The following CTNND2 variants were observed in gnomAD, a reference collection of about 807,000 sequenced individuals.
CTNND2 encodes catenin delta-2.
In CTNND2, 22 loss-of-function variants were observed where a neutral mutation model predicts 144.4. The observed-to-expected ratio is 0.15, with a 90% CI of 0.11 to 0.22. The LOEUF (loss-of-function observed/expected upper bound fraction) is 0.22, where lower values mean the gene tolerates loss of function less well. CTNND2 is among the 10% of genes least tolerant of loss of function. The pLI is 1.00. For synonymous variants in CTNND2, 751 were observed against 695.6 expected, an observed-to-expected ratio of 1.08 and a Z score of -1.25; for missense variants, 1,353 against 1,618.8, an observed-to-expected ratio of 0.84 and a Z score of 2.82.
intron 9 of CTNND2, among the ~76,000 whole-genome samples, chr5:11,300,031 A>G (rs1749421982): frequency 6.6e-6 from 1 of 152,154 alleles, no homozygotes; most frequent in Non-Finnish European, 1.5e-5. Flanking sequence ...GGGCTATTGT[A>G]TTCATTTATA....
intron 3 of CTNND2, among the ~76,000 whole-genome samples, chr5:11,540,068 TA>T (rs1774589146): frequency 6.6e-6 from 1 of 151,906 alleles, no homozygotes; most frequent in Non-Finnish European, 1.5e-5. Context: ...AATAAACGTA[TA>T]AATACATTAA....
At chr5:11,678,806 T>C (rs1281937341) in intron 2 of CTNND2, among the ~76,000 whole-genome samples, 2 of 152,124 alleles carry the variant, frequency 1.3e-5, no homozygotes, top group African/African-American at 4.8e-5. Context: ...TGTTCCGGCC[T>C]ATATACGTGA....
At chr5:11,840,390 A>G (rs1472546289) in intron 1 of CTNND2, among the ~76,000 whole-genome samples, 1 of 152,238 alleles carries the variant, frequency 6.6e-6, no homozygotes, top group African/African-American at 2.4e-5. Flanking sequence ...CCTTAAAATT[A>G]CTTCTCTCAG....
chr5:11,138,892 C>A (rs1756420228), intron 12 of CTNND2, among the ~76,000 whole-genome samples: 1 of 152,090 alleles, frequency 6.6e-6, no homozygotes, highest in East Asian at 1.9e-4. Context: ...CATGTCCATG[C>A]AGAACTAAAG....
chr5:11,381,803 T>C (rs1364585407), intron 7 of CTNND2, among the ~76,000 whole-genome samples: 1 of 151,702 alleles, frequency 6.6e-6, no homozygotes, highest in Non-Finnish European at 1.5e-5. Flanking sequence ...CCGTCTCTAC[T>C]AAAAATACAA....
At chr5:11,411,702 T>C (rs1318977058) in intron 4 of CTNND2, 50 bp from the exon 5 acceptor site, 2 of 1,126,064 alleles carry the variant, frequency 1.8e-6, no homozygotes, top group Non-Finnish European at 2.6e-6. Flanking sequence ...TATATTATTC[T>C]TAAAGATTTA....
intron 1 of CTNND2, among the ~76,000 whole-genome samples, chr5:11,828,748 G>A (rs1458478969): frequency 6.6e-6 from 1 of 152,114 alleles, no homozygotes; most frequent in Non-Finnish European, 1.5e-5. Context: ...GACTAACACA[G>A]TAAATTGGTA....
rs112658051 is a variant in CTNND2 at position 11,354,700 on chromosome 5, C to G, written c.1373-8073G>C. Among the ~76,000 whole-genome samples the G allele has an allele frequency of 2.5e-3, 374 of 152,186 alleles. 1 individual carries two copies. The highest frequency in any genetic ancestry group is 7.8e-3 in the African/African-American group (326 of 41,542). ...TTTAAGTGTGGACAAATTATCCAGA[C>G]AGAAATCAATAAGGAAACATCAGAC... On this transcript the variant is annotated intron_variant, in intron 8 of 21. Coordinates refer to ENST00000304623, the MANE Select transcript of CTNND2 (RefSeq NM_001332.4).
chr5:11,454,589 A>AG (rs957403854), intron 3 of CTNND2, among the ~76,000 whole-genome samples: 2 of 147,264 alleles, frequency 1.4e-5, no homozygotes, highest in African/African-American at 5.4e-5. Context: ...CATAACAGAA[A>AG]GTTTTTTTTC....
intron 13 of CTNND2, among the ~76,000 whole-genome samples, chr5:11,115,916 CA>C (rs35473400): frequency 0.12 from 17,789 of 152,214 alleles, 1,674 homozygotes; most frequent in East Asian, 0.45. Context: ...CTTATACACA[CA>C]GCCAATTAAT....
At chr5:11,301,085 C>T (rs968689071) in intron 9 of CTNND2, among the ~76,000 whole-genome samples, 5 of 152,138 alleles carry the variant, frequency 3.3e-5, no homozygotes, top group African/African-American at 4.8e-5. Flanking sequence ...GGCCCTATCT[C>T]GGCTCATTGC....
chr5:11,016,919 G>A (rs896651703), intron 18 of CTNND2, among the ~76,000 whole-genome samples: 16 of 151,738 alleles, frequency 1.1e-4, no homozygotes, highest in African/African-American at 3.6e-4. Context: ...TACAGGCGCT[G>A]CTACCACGCC....
At chr5:11,529,950 ATTACATATTATATGCTATAAGATTGCTT>A (rs2150053236) in intron 3 of CTNND2, among the ~76,000 whole-genome samples, 1 of 151,886 alleles carries the variant, frequency 6.6e-6, no homozygotes, top group African/African-American at 2.4e-5. Flanking sequence ...TATCTTGAAA[ATTACATATTATATGCTATAAGATTGCTT>A]TTTAAAGCTG....
intron 10 of CTNND2, among the ~76,000 whole-genome samples, chr5:11,211,985 C>T (rs531610872): frequency 8.4e-4 from 128 of 151,912 alleles, no homozygotes; most frequent in Middle Eastern, 3.4e-3. Flanking sequence ...TTCATTAAAC[C>T]GGTAAAAATT....
At chr5:11,424,002 G>A (rs1762572735) in intron 3 of CTNND2, among the ~76,000 whole-genome samples, 1 of 152,052 alleles carries the variant, frequency 6.6e-6, no homozygotes, top group Non-Finnish European at 1.5e-5. Flanking sequence ...ATTTTTTGTG[G>A]TGTTATAGAT....
intron 3 of CTNND2, among the ~76,000 whole-genome samples, chr5:11,424,265 G>A (rs1581165282): frequency 1.3e-5 from 2 of 152,240 alleles, no homozygotes; most frequent in East Asian, 1.9e-4. Flanking sequence ...GAGGAGTAAC[G>A]TTCTTGAAAT....
intron 1 of CTNND2, among the ~76,000 whole-genome samples, chr5:11,756,875 G>C (rs79095802): frequency 7.9e-5 from 12 of 151,452 alleles, no homozygotes; most frequent in Non-Finnish European, 1.8e-4. Context: ...GTTGTTATGT[G>C]AAAAGTCAAT....
At chr5:11,578,490 G>T (rs1334989471) in intron 2 of CTNND2, among the ~76,000 whole-genome samples, 1 of 151,822 alleles carries the variant, frequency 6.6e-6, no homozygotes, top group East Asian at 1.9e-4. Flanking sequence ...GTGAAACCCC[G>T]TCTCTACTAA....
chr5:11,158,367 T>A (rs928157699), intron 12 of CTNND2, among the ~76,000 whole-genome samples: 2 of 152,224 alleles, frequency 1.3e-5, no homozygotes, highest in Non-Finnish European at 2.9e-5. Flanking sequence ...TAAGGGGTTA[T>A]GAAATGGATG....
Sources: gnomAD v4.1 joint callset for allele counts (sites outside exome capture counted in the v4.1 genomes callset) on GRCh38, gnomAD v4.1.1 for gene constraint, MANE v1.5 for transcripts, NCBI Gene and HGNC (gene_info 2026-07-23, HGNC 2026-07-21) for gene names.